RASA3: variants seen among roughly 807,000 people sequenced by gnomAD.
The protein encoded by RASA3 is RAS p21 protein activator 3.
In RASA3, 73 loss-of-function variants were observed where a neutral mutation model predicts 110.0. The ratio of observed to expected loss-of-function variants is 0.66; its 90% CI spans 0.55 to 0.81. RASA3 has a LOEUF of 0.81. Among genes scored for constraint, RASA3 ranks in the 30% least tolerant of loss-of-function variants. The probability of loss-of-function intolerance (pLI) is 0.00; values close to 1 mark genes in which losing one functional copy is unlikely to be tolerated. For synonymous variants in RASA3, 500 were observed against 451.4 expected (o/e 1.11, Z -1.37); for missense variants, 976 against 1,113.2 (o/e 0.88, Z 1.75).
intron 15 of RASA3, 144 bp downstream of exon 15, chr13:114,012,998 C>T (rs756675504): frequency 3.9e-5 from 25 of 637,470 alleles, no homozygotes; most frequent in Non-Finnish European, 6.0e-5. Flanking sequence ...CACACACACT[C>T]CCCACTCACT....
At chr13:114,094,447 G>T (rs1200012995) in intron 1 of RASA3, among the ~76,000 whole-genome samples, 1 of 152,216 alleles carries the variant, frequency 6.6e-6, no homozygotes, top group East Asian at 1.9e-4. Flanking sequence ...GCCAGGAGAT[G>T]GGAAGTGATT....
At chr13:113,991,856 A>T (rs547777077) in intron 22 of RASA3, among the ~76,000 whole-genome samples, 3 of 152,312 alleles carry the variant, frequency 2.0e-5, no homozygotes, top group Admixed American at 6.5e-5. Flanking sequence ...ACACATGCAC[A>T]AATTCATGCA....
intron 3 of RASA3, among the ~76,000 whole-genome samples, chr13:114,041,375 A>G (rs774098050): frequency 1.3e-5 from 2 of 152,260 alleles, no homozygotes; most frequent in African/African-American, 2.4e-5. Context: ...AAAAATTGAT[A>G]TTAAAAAGTC....
intron 21 of RASA3, among the ~76,000 whole-genome samples, chr13:113,992,857 C>G (rs2053151672): frequency 6.6e-6 from 1 of 152,174 alleles, no homozygotes; most frequent in African/African-American, 2.4e-5. Context: ...TACCATTGGC[C>G]TATTTGGACA....
chr13:114,018,352 A>C, intron 10 of RASA3, 100 bp from the exon 11 acceptor site: 1 of 1,370,592 alleles, frequency 7.3e-7, no homozygotes, highest in Non-Finnish European at 9.7e-7. Flanking sequence ...CACAATAGAT[A>C]CGGCTCTTTG....
At chr13:114,125,926 G>T (rs1044228419) in intron 1 of RASA3, among the ~76,000 whole-genome samples, 1 of 137,152 alleles carries the variant, frequency 7.3e-6, no homozygotes, top group African/African-American at 2.8e-5. Context: ...ACCCTCCAGA[G>T]GTACCGGCAC....
chr13:113,992,227 T>C (rs919286299), intron 22 of RASA3, among the ~76,000 whole-genome samples: 3 of 152,258 alleles, frequency 2.0e-5, no homozygotes, highest in Admixed American at 6.5e-5. Context: ...CTAAAGAAAC[T>C]TGGCAGTACA....
At chr13:114,081,094 C>T (rs1566560837) in intron 1 of RASA3, among the ~76,000 whole-genome samples, 2 of 152,198 alleles carry the variant, frequency 1.3e-5, no homozygotes. Flanking sequence ...ACCTAGAACA[C>T]CAATAGTGCT....
chr13:114,038,309 C>T (rs1019805158), intron 4 of RASA3, among the ~76,000 whole-genome samples: 2 of 152,268 alleles, frequency 1.3e-5, no homozygotes, highest in Non-Finnish European at 2.9e-5. Context: ...TGGGAAACCC[C>T]GCCTTTCTGC....
intron 3 of RASA3, among the ~76,000 whole-genome samples, chr13:114,042,506 G>A (rs1382819651): frequency 6.6e-6 from 1 of 152,248 alleles, no homozygotes; most frequent in Non-Finnish European, 1.5e-5. Flanking sequence ...AAGGATCTTG[G>A]TCCAGTCACT....
At position 114,005,953 on chromosome 13, in the gene RASA3, T is replaced by G. The variant is rs377227142; in HGVS notation, c.1742+1580A>C. Among the ~76,000 whole-genome samples the G allele has an allele frequency of 9.5e-4, 25 of 26,440 alleles. 1 individual carries two copies. In the East Asian group the frequency reaches 0.02, roughly 22 times the overall value. The allele number at this position is 26,440 out of a possible 152,430, so 17.3% of individuals were successfully genotyped here. A position where few individuals can be genotyped will look rare whatever the true frequency, so the allele number is the denominator to read the frequency against. ...CACTCCTGCCCTGCTGGATGCCACC[T>G]TACCCTTCTCCCCTCCTGCCCTGCC... is the stretch of plus-strand genomic sequence containing the variant. On this transcript the variant is annotated intron_variant, in intron 18 of 23. Transcript: ENST00000334062.
intron 8 of RASA3, 77 bp from the exon 9 acceptor site, chr13:114,021,585 T>G: frequency 8.4e-7 from 1 of 1,190,508 alleles, no homozygotes; most frequent in Non-Finnish European, 1.2e-6. Context: ...CCACGCTTTG[T>G]TCCCCCAGGA....
intron 16 of RASA3, among the ~76,000 whole-genome samples, chr13:114,010,938 G>A (rs1048064218): frequency 2.6e-5 from 4 of 152,066 alleles, no homozygotes; most frequent in East Asian, 1.9e-4. Context: ...CCACGGGGCC[G>A]GCGACGAGCC....
rs1299704869 is a variant in RASA3 at position 114,027,945 on chromosome 13, G to A, written c.450-18C>T. On this transcript the variant is annotated intron_variant, in intron 5 of 23. Coordinates refer to ENST00000334062, the MANE Select transcript of RASA3 (RefSeq NM_007368.4). ...CGACGATGCTGAGGAGAGAAGCAGA[G>A]GCGGCGTCAGGAGGGAGCGCAGACA... 6.2e-7 allele frequency: 1 copy of A among 1,604,212 alleles called. No homozygotes were observed. Among genetic ancestry groups the A allele is most frequent in the South Asian group, 1.1e-5 (1 of 90,894 alleles).
In RASA3 at chr13:114,029,869, G is replaced by T; in HGVS notation, c.391C>A (p.Leu131Met). The change falls in exon 5 of 24, where the codon CTG becomes ATG. Residue 131 changes from leucine to methionine, a missense_variant. Physicochemically the swap from Leu to Met is conservative, Grantham distance 15 (BLOSUM62 2). Around this residue, in one of 4 missense-constraint regions of RASA3, gnomAD observed 732 missense variants for 779.7 expected, o/e 0.94. Transcript: ENST00000334062. ...SEVQGKVHLE[L>M]RLSEVITDTG... Reference sequence around the variant, plus strand: ...TCTGTGATGACCTCGCTCAGCCGCAGCTCCAGGTGCACTTTGCCCTGCAAG... The same window carrying T: ...TCTGTGATGACCTCGCTCAGCCGCATCTCCAGGTGCACTTTGCCCTGCAAG... 1 of 1,564,962 alleles carries T rather than the reference G, an allele frequency of 6.4e-7. No homozygotes were observed.
chr13:114,032,570 G>A (rs2139406670), intron 4 of RASA3, among the ~76,000 whole-genome samples: 1 of 152,206 alleles, frequency 6.6e-6, no homozygotes, highest in Middle Eastern at 3.4e-3. Flanking sequence ...GTCAGGGAGT[G>A]GAACATAAAG....
At chr13:114,018,048 T>C in intron 11 of RASA3, 56 bp downstream of exon 11, 1 of 1,428,654 alleles carries the variant, frequency 7.0e-7, no homozygotes. Context: ...GCGACGACCT[T>C]GCCATCCCTG....
chr13:114,035,707 C>T (rs56184652), intron 4 of RASA3: 53,348 of 152,148 alleles, frequency 0.35, 9,860 homozygotes, highest in Middle Eastern at 0.53. Context: ...GACTGTTCCA[C>T]GCCGGCCGCA....
At chr13:114,054,049 C>A (rs1192408450) in intron 2 of RASA3, among the ~76,000 whole-genome samples, 1 of 152,170 alleles carries the variant, frequency 6.6e-6, no homozygotes, top group African/African-American at 2.4e-5. Context: ...TCGCTTGAAC[C>A]TGGGAGGCAG....
Sources: allele counts gnomAD v4.1 joint callset (sites outside exome capture counted in the v4.1 genomes callset), GRCh38; gene constraint gnomAD v4.1.1; regional missense constraint gnomAD v4.1.1; transcripts MANE v1.5; gene names NCBI Gene and HGNC (gene_info 2026-07-23, HGNC 2026-07-21).